ACKR2: variants seen among roughly 807,000 people sequenced by gnomAD.
ACKR2 encodes the protein C-C chemokine receptor D6.
For missense variants in ACKR2, 457 were observed against 477.3 expected (o/e 0.96, Z 0.40); for synonymous variants, 207 against 192.2 (o/e 1.08, Z -0.64).
At chr3:42,819,460 A>T (rs1030750327) in intron 1 of ACKR2, among the ~76,000 whole-genome samples, 171 bp from the exon 2 acceptor site, 1 of 150,042 alleles carries the variant, frequency 6.7e-6, no homozygotes, top group Admixed American at 6.6e-5. Context: ...AGTAGAAAAG[A>T]GCTGGGCTCC....
chr3:42,813,747 C>T (rs910844385), intron 1 of ACKR2, among the ~76,000 whole-genome samples: 7 of 152,198 alleles, frequency 4.6e-5, no homozygotes, highest in African/African-American at 1.4e-4. Flanking sequence ...TTATTTTCTG[C>T]ATCATGTGCA....
Position 42,852,374 on chromosome 3 carries a change from CCTT to C in ACKR2, c.-37-12089_-37-12087del, listed in dbSNP as rs1455581157. ...TTCTGGGAAAGACATGAAAGTCTCA[CCTT>C]CTGCAGCAGCAGCTCCTTGAAGGGT... On this transcript the variant is annotated intron_variant, in intron 2 of 2. Transcript: ENST00000422265. This position sits in a 1 kb window ranked among gnomAD's most constrained non-coding sequence, Gnocchi z 4.3. The C allele has an allele frequency of 6.6e-6, 1 of 152,226 alleles. No individual in the cohort carries two copies. Among genetic ancestry groups the C allele is most frequent in the Non-Finnish European group, 1.5e-5 (1 of 68,046 alleles). 9.4% of individuals were successfully genotyped at this position (152,226 alleles called of 1,614,324 possible).
intron 2 of ACKR2, among the ~76,000 whole-genome samples, chr3:42,831,309 C>A (rs1386652978): frequency 1.3e-5 from 2 of 152,200 alleles, no homozygotes; most frequent in Admixed American, 6.5e-5. Flanking sequence ...AAACAGCAGA[C>A]CCCCCACCTT....
intron 2 of ACKR2, among the ~76,000 whole-genome samples, chr3:42,850,302 A>G (rs1183450454): frequency 6.6e-6 from 1 of 152,146 alleles, no homozygotes; most frequent in Non-Finnish European, 1.5e-5. Flanking sequence ...GTCTAAGTCC[A>G]TATCCATCTT....
intron 2 of ACKR2, among the ~76,000 whole-genome samples, chr3:42,820,052 TC>T: frequency 6.6e-6 from 1 of 152,352 alleles, no homozygotes; most frequent in African/African-American, 2.4e-5. Context: ...CATTCTGCCC[TC>T]ATACTGATTA....
intron 2 of ACKR2, chr3:42,856,411 T>C: frequency 1.4e-6 from 1 of 702,924 alleles, no homozygotes; most frequent in South Asian, 1.5e-5. Context: ...CATGAGATCA[T>C]GGTATCATAG....
rs147152755 is a variant in ACKR2 at position 42,855,585 on chromosome 3, G to A, written c.-37-8881G>A. ...TTGGCATTATTGATGAAAGTGATAGGAGGATGGTTGCTCCATAGGTGAGGA... is the reference window on the plus strand; with the variant it reads ...TTGGCATTATTGATGAAAGTGATAGAAGGATGGTTGCTCCATAGGTGAGGA... On this transcript the variant is annotated intron_variant, in intron 2 of 2. Coordinates refer to ENST00000422265, the MANE Select transcript of ACKR2 (RefSeq NM_001296.5). 1.0e-3 allele frequency among the ~76,000 whole-genome samples: 155 copies of A among 152,216 alleles called. 1 individual carries two copies. In the East Asian group the frequency reaches 0.027, roughly 27 times the overall value.
chr3:42,864,932 C>T lies in ACKR2; in HGVS notation c.430C>T (p.Leu144=). The T allele has an allele frequency of 6.2e-7, 1 of 1,614,174 alleles. No homozygotes were observed. Among genetic ancestry groups the T allele is most frequent in the Non-Finnish European group, 8.5e-7 (1 of 1,180,036 alleles). The part of the protein sequence containing the change: ...FISCMSLDKY[L]EIVHAQPYHR... ...TAGCTGCATGAGCCTGGACAAGTAC[C>T]TGGAGATCGTTCATGCTCAGCCCTA... Residue 144 remains leucine (L), a synonymous_variant, in exon 3 of 3, where the codon CTG becomes TTG. Transcript: ENST00000422265.
chr3:42,813,935 G>A (rs182356878), intron 1 of ACKR2, among the ~76,000 whole-genome samples: 2 of 152,082 alleles, frequency 1.3e-5, no homozygotes, highest in Non-Finnish European at 2.9e-5. Flanking sequence ...AATTCTCCTT[G>A]CAAATTCTAA....
chr3:42,844,814 C>T (rs993764575), intron 2 of ACKR2, among the ~76,000 whole-genome samples: 3 of 152,196 alleles, frequency 2.0e-5, no homozygotes, highest in Non-Finnish European at 4.4e-5. Context: ...GGTCACCACT[C>T]GCCCAGAATT....
intron 2 of ACKR2, among the ~76,000 whole-genome samples, chr3:42,847,740 C>T (rs1428650624): frequency 7.3e-6 from 1 of 136,770 alleles, no homozygotes; most frequent in Non-Finnish European, 1.6e-5. Context: ...GGGAGGATGC[C>T]TGATGGAGAG....
chr3:42,811,150 C>T (rs1242289645), intron 1 of ACKR2, among the ~76,000 whole-genome samples: 1 of 151,766 alleles, frequency 6.6e-6, no homozygotes, highest in Non-Finnish European at 1.5e-5. Context: ...GTGGCAGGCC[C>T]TCATTTCCTC....
intron 2 of ACKR2, among the ~76,000 whole-genome samples, chr3:42,824,644 C>G (rs909869175): frequency 2.0e-5 from 3 of 152,138 alleles, no homozygotes; most frequent in African/African-American, 7.2e-5. Flanking sequence ...TTTCAAGGTT[C>G]ATCCATGTCA....
At chr3:42,835,840 C>T (rs1700983410) in intron 2 of ACKR2, 1 of 152,200 alleles carries the variant, frequency 6.6e-6, no homozygotes, top group Non-Finnish European at 1.5e-5. Context: ...TCTGCGTATT[C>T]AACCTCCACT....
intron 2 of ACKR2, among the ~76,000 whole-genome samples, chr3:42,840,417 G>T (rs903618969): frequency 6.6e-6 from 1 of 152,124 alleles, no homozygotes; most frequent in Non-Finnish European, 1.5e-5. Context: ...AGAGAAAGGT[G>T]GACCCTATCC....
At chr3:42,833,591 C>A (rs867166860) in intron 2 of ACKR2, among the ~76,000 whole-genome samples, 1 of 152,066 alleles carries the variant, frequency 6.6e-6, no homozygotes, top group Non-Finnish European at 1.5e-5. Flanking sequence ...TCAGACTAGT[C>A]ACATTTCAGG....
intron 2 of ACKR2, among the ~76,000 whole-genome samples, chr3:42,825,882 A>G (rs1221603655): frequency 7.9e-6 from 1 of 126,600 alleles, no homozygotes; most frequent in Admixed American, 7.9e-5. Flanking sequence ...TTTTTTGTAG[A>G]TACCATTAAT....
intron 2 of ACKR2, among the ~76,000 whole-genome samples, chr3:42,849,519 C>T (rs1179195884): frequency 6.6e-6 from 1 of 151,640 alleles, no homozygotes; most frequent in Non-Finnish European, 1.5e-5. Flanking sequence ...AAAAGCAAAA[C>T]CTTAGGCAAA....
intron 1 of ACKR2, among the ~76,000 whole-genome samples, chr3:42,811,348 G>C (rs1275786237): frequency 6.6e-6 from 1 of 152,238 alleles, no homozygotes; most frequent in African/African-American, 2.4e-5. Flanking sequence ...AACATGTGCT[G>C]TATGGAATCA....
Sources: gnomAD v4.1 joint callset for allele counts (sites outside exome capture counted in the v4.1 genomes callset) on GRCh38, gnomAD v4.1.1 for gene constraint, Gnocchi (gnomAD v3.1) non-coding constraint, MANE v1.5 for transcripts, NCBI Gene and HGNC (gene_info 2026-07-23, HGNC 2026-07-21) for gene names.